PCDH15: variants seen among roughly 807,000 people sequenced by gnomAD.
The protein encoded by PCDH15 is protocadherin related 15.
A neutral mutation model predicts 178.5 loss-of-function variants in PCDH15; 129 were observed. The observed-to-expected ratio is 0.72, with a 90% confidence interval of 0.63 to 0.84. The LOEUF (loss-of-function observed/expected upper bound fraction) is 0.84. PCDH15 is among the 40% of genes least tolerant of loss of function. The pLI, the probability that PCDH15 is intolerant of heterozygous loss-of-function variation, is 0.00. For synonymous variants in PCDH15, 800 were observed against 732.0 expected (o/e 1.09, Z -1.50); for missense variants, 2,230 against 2,099.9 (o/e 1.06, Z -1.21).
chr10:53,877,388 C>T (rs1032210325), intron 26 of PCDH15, among the ~76,000 whole-genome samples: 1 of 152,096 alleles, frequency 6.6e-6, no homozygotes, highest in Non-Finnish European at 1.5e-5. Context: ...ATGCTTTTTA[C>T]TTGAGAGGAA....
intron 1 of PCDH15, among the ~76,000 whole-genome samples, chr10:54,796,931 C>A (rs1279461175): frequency 6.6e-6 from 1 of 151,974 alleles, no homozygotes; most frequent in Non-Finnish European, 1.5e-5. Flanking sequence ...AAGTCACTGT[C>A]CTTGGATAAA....
At chr10:54,169,099 A>C (rs11815708) in intron 13 of PCDH15, among the ~76,000 whole-genome samples, 47,330 of 151,232 alleles carry the variant, frequency 0.31, 7,731 homozygotes, top group African/African-American at 0.39. Flanking sequence ...GCCGCGTCCC[A>C]TCTGTGTGGG....
intron 2 of PCDH15, among the ~76,000 whole-genome samples, chr10:54,904,918 ATAAAT>A (rs1341242780): frequency 7.6e-6 from 1 of 132,094 alleles, no homozygotes; most frequent in African/African-American, 2.5e-5. Flanking sequence ...AAAATACAAG[ATAAAT>A]TAAAATTATA....
At chr10:54,227,145 T>G (rs947144020) in intron 9 of PCDH15, among the ~76,000 whole-genome samples, 16 of 152,196 alleles carry the variant, frequency 1.1e-4, no homozygotes, top group African/African-American at 3.9e-4. Flanking sequence ...CAGTAGGGAC[T>G]CAGTGTGGGG....
intron 2 of PCDH15, among the ~76,000 whole-genome samples, chr10:55,370,762 G>T (rs1025493152): frequency 2.0e-5 from 3 of 151,990 alleles, no homozygotes; most frequent in African/African-American, 4.8e-5. Context: ...TCTTTCTTCC[G>T]ATTATCTTCA....
intron 26 of PCDH15, among the ~76,000 whole-genome samples, chr10:53,887,998 T>A (rs1321400341): frequency 6.6e-6 from 1 of 151,956 alleles, no homozygotes; most frequent in African/African-American, 2.4e-5. Flanking sequence ...CATTAAAAAC[T>A]ACAGAAATAC....
intron 2 of PCDH15, among the ~76,000 whole-genome samples, chr10:54,929,035 G>T (rs1461048637): frequency 2.0e-5 from 3 of 152,134 alleles, no homozygotes; most frequent in African/African-American, 4.8e-5. Flanking sequence ...TTATTGCATT[G>T]GTTCTTTCTC....
chr10:55,101,307 AG>A (rs1443777367), intron 2 of PCDH15, among the ~76,000 whole-genome samples: 1 of 151,976 alleles, frequency 6.6e-6, no homozygotes, highest in East Asian at 1.9e-4. Flanking sequence ...GCTTGAACTC[AG>A]GAGGTGGAGT....
chr10:54,870,581 C>T (rs928840747), intron 3 of PCDH15, among the ~76,000 whole-genome samples: 1 of 152,032 alleles, frequency 6.6e-6, no homozygotes, highest in Non-Finnish European at 1.5e-5. Flanking sequence ...GTCAGGAGAT[C>T]GAGCCCATCC....
At chr10:55,111,932 G>A (rs1054096253) in intron 2 of PCDH15, among the ~76,000 whole-genome samples, 2 of 152,096 alleles carry the variant, frequency 1.3e-5, no homozygotes, top group South Asian at 4.1e-4. Context: ...TTATGATTAC[G>A]TGCTGCATTC....
At chr10:53,975,994 G>A (rs118163625) in intron 21 of PCDH15, among the ~76,000 whole-genome samples, 2,473 of 152,192 alleles carry the variant, frequency 0.016, 38 homozygotes, top group Middle Eastern at 0.034. Context: ...TATGGCTAGC[G>A]AGTATACTAG....
At chr10:54,860,182 T>A (rs543808070) in intron 3 of PCDH15, among the ~76,000 whole-genome samples, 121 of 152,242 alleles carry the variant, frequency 7.9e-4, no homozygotes, top group African/African-American at 2.9e-3. Context: ...AGGGTACATG[T>A]GCAGATTTGT....
intron 2 of PCDH15, among the ~76,000 whole-genome samples, chr10:54,572,311 G>C (rs1007776754): frequency 6.6e-6 from 1 of 152,020 alleles, no homozygotes; most frequent in African/African-American, 2.4e-5. Context: ...ATTCTAGCAG[G>C]TGTGCCATAA....
intron 2 of PCDH15, among the ~76,000 whole-genome samples, chr10:55,142,280 C>T (rs758997854): frequency 1.6e-4 from 24 of 151,958 alleles, no homozygotes; most frequent in Admixed American, 3.3e-4. Context: ...GGCAATGACC[C>T]AGGACCATCA....
intron 19 of PCDH15, among the ~76,000 whole-genome samples, chr10:54,022,135 A>C (rs990660704): frequency 6.6e-5 from 10 of 151,878 alleles, no homozygotes; most frequent in Non-Finnish European, 1.3e-4. Flanking sequence ...TTTTTTCCAA[A>C]ACATACCTTA....
At chr10:55,189,433 C>G (rs1452610990) in intron 1 of PCDH15, among the ~76,000 whole-genome samples, 1 of 151,762 alleles carries the variant, frequency 6.6e-6, no homozygotes, top group Non-Finnish European at 1.5e-5. Flanking sequence ...TACTGAAAAT[C>G]AAACCATTTC....
intron 25 of PCDH15, among the ~76,000 whole-genome samples, chr10:53,928,750 A>C (rs1376758216): frequency 1.3e-5 from 2 of 152,022 alleles, no homozygotes; most frequent in African/African-American, 2.4e-5. Flanking sequence ...TTGGGGCCTC[A>C]TTATTAATCA....
At chr10:54,994,430 C>T (rs1349913789) in intron 2 of PCDH15, among the ~76,000 whole-genome samples, 2 of 151,842 alleles carry the variant, frequency 1.3e-5, no homozygotes, top group Non-Finnish European at 2.9e-5. Context: ...AGTTTTATAA[C>T]AGTAATGAAA....
At chr10:54,643,540 T>C (rs1237317618) in intron 2 of PCDH15, among the ~76,000 whole-genome samples, 2 of 152,140 alleles carry the variant, frequency 1.3e-5, no homozygotes, top group African/African-American at 4.8e-5. Context: ...TTTCCCAGGA[T>C]AGATTATCAT....
Sources: gnomAD v4.1 joint callset for allele counts (sites outside exome capture counted in the v4.1 genomes callset) on GRCh38, gnomAD v4.1.1 for gene constraint, MANE v1.5 for transcripts, NCBI Gene and HGNC (gene_info 2026-07-23, HGNC 2026-07-21) for gene names.